The following ATCAY variants were observed in gnomAD, a reference collection of about 807,000 sequenced individuals.
The protein encoded by ATCAY is caytaxin.
In ATCAY, 22 loss-of-function variants were observed where a neutral mutation model predicts 47.7. The ratio of observed to expected loss-of-function variants is 0.46; its 90% confidence interval spans 0.33 to 0.66. ATCAY has a LOEUF of 0.66. Among genes scored for constraint, ATCAY ranks in the 30% least tolerant of loss-of-function variants. ATCAY has a pLI of 0.02. For missense variants in ATCAY, 452 were observed against 515.0 expected (o/e 0.88, Z 1.18); for synonymous variants, 216 against 207.6 (o/e 1.04, Z -0.35).
Position 3,885,114 on chromosome 19 carries a change from A to ATT in ATCAY, c.-41-613_-41-612insTT, listed in dbSNP as rs1157108352. 4.4e-4 allele frequency among the ~76,000 whole-genome samples: 65 copies of ATT among 147,112 alleles called. No homozygotes were observed. The East Asian group carries it at 9.5e-3, about 21-fold the overall frequency. On this transcript the variant is annotated intron_variant, in intron 1 of 12. Coordinates refer to ENST00000450849, the MANE Select transcript of ATCAY (RefSeq NM_033064.5). ...CAAGATCATGTTTTTTTTTTTAAAA[A>ATT]AAAAAAAAAAAAAAAAAAAAACAGC...
intron 8 of ATCAY, among the ~76,000 whole-genome samples, chr19:3,912,665 A>C (rs1221122914): frequency 1.3e-5 from 2 of 151,974 alleles, no homozygotes; most frequent in African/African-American, 4.8e-5. Context: ...GGATCGCTTG[A>C]GGCCAGGAGT....
At chr19:3,913,715 A>G in intron 8 of ATCAY, 43 bp from the exon 9 acceptor site, 1 of 1,521,996 alleles carries the variant, frequency 6.6e-7, no homozygotes, top group Non-Finnish European at 9.1e-7. Context: ...CCCCCACCCC[A>G]TGGGTTGCAT....
chr19:3,904,354 A>G (rs1490125626), intron 3 of ATCAY, among the ~76,000 whole-genome samples: 2 of 152,114 alleles, frequency 1.3e-5, no homozygotes, highest in Non-Finnish European at 2.9e-5. Context: ...AAAACAAAAT[A>G]AATTAGCAGA....
intron 1 of ATCAY, among the ~76,000 whole-genome samples, chr19:3,881,496 G>C (rs1371685283): frequency 1.5e-5 from 2 of 133,044 alleles, no homozygotes; most frequent in Non-Finnish European, 3.5e-5. Context: ...ATTGGAACTC[G>C]TATGTGATTT....
chr19:3,895,551 G>A (rs938225764), intron 2 of ATCAY, among the ~76,000 whole-genome samples: 18 of 151,930 alleles, frequency 1.2e-4, no homozygotes, highest in Non-Finnish European at 4.4e-5. Context: ...GGCTCAGGGA[G>A]GAGAAGGCAC....
At chr19:3,902,740 G>A (rs889299271) in intron 3 of ATCAY, among the ~76,000 whole-genome samples, 195 bp downstream of exon 3, 2 of 152,140 alleles carry the variant, frequency 1.3e-5, no homozygotes, top group East Asian at 1.9e-4. Flanking sequence ...AAGCCAGCAC[G>A]CTGTGTTGCT....
chr19:3,924,233 G>GTGGATGGACGGA (rs1313494817), intron 12 of ATCAY, among the ~76,000 whole-genome samples: 3,530 of 140,788 alleles, frequency 0.025, 166 homozygotes, highest in African/African-American at 0.091. Flanking sequence ...GAGTGAGTGT[G>GTGGATGGACGGA]TGGATGGATG....
chr19:3,894,806 G>A (rs1189608709), intron 2 of ATCAY, among the ~76,000 whole-genome samples: 4 of 151,350 alleles, frequency 2.6e-5, no homozygotes, highest in Non-Finnish European at 2.9e-5. Context: ...ATAATTAGCC[G>A]GGTGTGGTGG....
At chr19:3,902,646 C>G in intron 3 of ATCAY, 101 bp downstream of exon 3, 1 of 1,295,216 alleles carries the variant, frequency 7.7e-7, no homozygotes, top group East Asian at 2.6e-5. Context: ...GGCCACACAC[C>G]GTGGGTAGAA....
rs749889767 is a variant in ATCAY, at chr19:3,907,703, G to A, written c.359-31G>A. 3.5e-5 allele frequency: 57 copies of A among 1,612,204 alleles called. No individual in the cohort carries two copies. The East Asian group carries it at 3.8e-4, about 11-fold the overall frequency. On this transcript the variant is annotated intron_variant, in intron 4 of 12. Transcript: ENST00000450849. This position sits in a 1 kb window ranked among gnomAD's most constrained non-coding sequence, Gnocchi z 5.1. ...GGGCAGGAGATATCCGGACTCTGGC[G>A]TCCATGCGACTCTCCGCCACCTGCT...
intron 3 of ATCAY, among the ~76,000 whole-genome samples, chr19:3,902,998 G>A (rs866850330): frequency 6.6e-6 from 1 of 152,114 alleles, no homozygotes; most frequent in South Asian, 2.1e-4. Flanking sequence ...TTGGGAGACC[G>A]GGTCACACTC....
chr19:3,902,781 C>G (rs917905155), intron 3 of ATCAY, among the ~76,000 whole-genome samples: 1 of 152,124 alleles, frequency 6.6e-6, no homozygotes, highest in South Asian at 2.1e-4. Flanking sequence ...CTCAGCCTCT[C>G]TGTGCCCCAA....
At chr19:3,915,693 G>A (rs1181902906) in intron 9 of ATCAY, among the ~76,000 whole-genome samples, 1 of 148,752 alleles carries the variant, frequency 6.7e-6, no homozygotes, top group Non-Finnish European at 1.5e-5. Context: ...CTGGGATTAA[G>A]GCACCCACCA....
At chr19:3,910,759 C>T (rs1568450383) in intron 7 of ATCAY, 44 bp from the exon 8 acceptor site, 6 of 1,607,654 alleles carry the variant, frequency 3.7e-6, no homozygotes, top group Non-Finnish European at 5.1e-6. Context: ...CTCCCCAGGG[C>T]TCGCCCCAGG....
At chr19:3,903,291 A>T (rs569623884) in intron 3 of ATCAY, among the ~76,000 whole-genome samples, 1 of 151,790 alleles carries the variant, frequency 6.6e-6, no homozygotes, top group South Asian at 2.1e-4. Flanking sequence ...TCTTCAGCAG[A>T]GGAAAAAAAT....
At position 3,905,604 on chromosome 19, in the gene ATCAY, G is replaced by A. The variant is rs745548765; in HGVS notation, c.307G>A (p.Glu103Lys). 2.5e-6 allele frequency: 4 copies of A among 1,613,698 alleles called. No homozygotes were observed. In the African/African-American group the frequency reaches 5.3e-5, roughly 22 times the overall value. ...CGTGGATGACATCGAGACCCCCGAT[G>A]AGACCGACTCGCTGGAGTTCCTGGG... ...INVDDIETPDETDSLEFLGNG... is the reference protein window; with the variant it reads ...INVDDIETPDKTDSLEFLGNG... Residue 103 changes from glutamate to lysine, a missense_variant, in exon 4 of 13, where the codon GAG (glutamate) becomes AAG (lysine). Physicochemically the swap from Glu to Lys is moderately conservative, Grantham distance 56 (BLOSUM62 1). Transcript: ENST00000450849.
rs1476692114 is a variant in ATCAY, at chr19:3,918,826, T to C, written c.1022T>C (p.Phe341Ser). The change falls in exon 11 of 13, where the codon TTT becomes TCT. Residue 341 changes from phenylalanine to serine, a missense_variant. Phe to Ser is a radical substitution (Grantham distance 155). Transcript: ENST00000450849. ...RRESARPQPE[F>S]VLPRSEEKPE... ...CACAGCGCGAGGCCCCAGCCGGAGT[T>C]TGTGCTGCCCAGGTCTGAAGAGAAG... 6.2e-7 allele frequency: 1 copy of C among 1,613,958 alleles called. No homozygotes were observed. Among genetic ancestry groups the C allele is most frequent in the Non-Finnish European group, 8.5e-7 (1 of 1,179,864 alleles).
At position 3,910,688 on chromosome 19, in the gene ATCAY, C is replaced by T. The variant is rs913828975; in HGVS notation, c.780-115C>T. Reference sequence around the variant, plus strand: ...ATTTGACAGGTACCTGGAGACCACACGTGGAATGAGCAGAGTGACGAATGC... The same window carrying T: ...ATTTGACAGGTACCTGGAGACCACATGTGGAATGAGCAGAGTGACGAATGC... On this transcript the variant is annotated intron_variant, in intron 7 of 12. Transcript: ENST00000450849. The T allele has an allele frequency of 3.3e-4, 332 of 1,019,352 alleles. 1 individual carries two copies. The highest frequency in any genetic ancestry group is 4.6e-4 in the Non-Finnish European group (308 of 662,508). 63.1% of individuals were successfully genotyped at this position (1,019,352 alleles called of 1,614,324 possible).
intron 7 of ATCAY, 137 bp downstream of exon 7, chr19:3,909,754 A>G: frequency 7.8e-7 from 1 of 1,284,146 alleles, no homozygotes; most frequent in South Asian, 1.4e-5. Flanking sequence ...GGAGTTTGAG[A>G]CCAGCCTGGG....
Sources: allele counts gnomAD v4.1 joint callset (sites outside exome capture counted in the v4.1 genomes callset), GRCh38; gene constraint gnomAD v4.1.1; non-coding constraint Gnocchi (gnomAD v3.1); transcripts MANE v1.5; gene names NCBI Gene and HGNC (gene_info 2026-07-23, HGNC 2026-07-21).